FIGNL2: variants seen among roughly 807,000 people sequenced by gnomAD.
FIGNL2 encodes the protein fidgetin like 2.
For missense variants in FIGNL2, 1,060 were observed against 950.2 expected (o/e 1.12, Z -1.52); for synonymous variants, 565 against 484.0 (o/e 1.17, Z -2.20).
chr12:51,825,551 G>A (rs760991294), intron 1 of FIGNL2, among the ~76,000 whole-genome samples: 5 of 151,702 alleles, frequency 3.3e-5, no homozygotes, highest in African/African-American at 9.7e-5. Context: ...TCATACCCAC[G>A]AAGTCTCCTC....
At chr12:51,827,118 C>A (rs79436360) in intron 1 of FIGNL2, among the ~76,000 whole-genome samples, 1 of 152,228 alleles carries the variant, frequency 6.6e-6, no homozygotes, top group Non-Finnish European at 1.5e-5. Flanking sequence ...CTTGCTCTGA[C>A]ACAGAGACCC....
Position 51,820,662 on chromosome 12 carries a change from C to T in FIGNL2, c.1752G>A (p.Ala584=). ...AGCCCTGCGTGCCCTGCACCAGCGC[C>T]GCCAGTTCCCGCTCACTGAGCGCGC... The part of the protein sequence containing the change: ...QGCALSEREL[A]ALVQGTQGFS... Residue 584 remains alanine, a synonymous_variant, in exon 2 of 2, where the codon GCG becomes GCA. Transcript: ENST00000618634. The T allele has an allele frequency of 6.6e-7, 1 of 1,514,908 alleles. No homozygotes were observed. The highest frequency in any genetic ancestry group is 8.8e-7 in the Non-Finnish European group (1 of 1,139,106). 93.8% of individuals were successfully genotyped at this position (1,514,908 alleles called of 1,614,324 possible). A position where few individuals can be genotyped will look rare whatever the true frequency, so the allele number is the denominator to read the frequency against.
In FIGNL2 at chr12:51,821,035, G is replaced by A; in HGVS notation, c.1379C>T (p.Thr460Ile). 8.4e-7 allele frequency: 1 copy of A among 1,186,160 alleles called. No individual in the cohort carries two copies. Among genetic ancestry groups the A allele is most frequent in the Non-Finnish European group, 1.0e-6 (1 of 960,676 alleles). 73.5% of individuals were successfully genotyped at this position (1,186,160 alleles called of 1,614,324 possible). A position where few individuals can be genotyped will look rare whatever the true frequency, so the allele number is the denominator to read the frequency against. The change falls in exon 2 of 2, where the codon ACC (threonine) becomes ATC (isoleucine). Residue 460 changes from threonine (T) to isoleucine (I), a missense_variant. By Grantham distance (89) the Thr-to-Ile change is moderately conservative (BLOSUM62 -1). Transcript: ENST00000618634. The stretch of plus-strand genomic sequence containing the variant: ...CTCGGCGGCGCCGGGCGCAGCCAGG[G>A]TCGCGCCGCGCAGGCGCAACAGCGT... ...GATLLRLRGA[T>I]LAAPGAAEGA...
chr12:51,834,217 G>A (rs1939541127), intron 1 of FIGNL2, among the ~76,000 whole-genome samples: 1 of 151,320 alleles, frequency 6.6e-6, no homozygotes, highest in East Asian at 1.9e-4. Context: ...GAGTGTACAT[G>A]TGATGGTGAG....
intron 1 of FIGNL2, chr12:51,825,750 G>A (rs1462019183): frequency 1.3e-5 from 2 of 151,632 alleles, no homozygotes; most frequent in African/African-American, 2.4e-5. Flanking sequence ...CCGAGTAGCT[G>A]GGACTACAGG....
At chr12:51,830,530 C>A (rs1258782879) in intron 1 of FIGNL2, among the ~76,000 whole-genome samples, 2 of 134,260 alleles carry the variant, frequency 1.5e-5, no homozygotes, top group Non-Finnish European at 3.1e-5. Flanking sequence ...CTCACACTGT[C>A]GCATGGGCTG....
At chr12:51,847,603 G>T (rs890109122) in intron 1 of FIGNL2, 1 of 985,124 alleles carries the variant, frequency 1.0e-6, no homozygotes, top group Non-Finnish European at 1.2e-6. Flanking sequence ...GGCCGCCGCT[G>T]GGCGCAGGGT....
chr12:51,838,075 T>C (rs1409361099), intron 1 of FIGNL2: 1 of 152,424 alleles, frequency 6.6e-6, no homozygotes, highest in Non-Finnish European at 1.5e-5. Context: ...GAAGTGTTCA[T>C]GGAGGCCGGG....
At position 51,821,603 on chromosome 12, in the gene FIGNL2, C is replaced by T; in HGVS notation, c.811G>A (p.Asp271Asn). Residue 271 changes from aspartate to asparagine, a missense_variant, in exon 2 of 2, where the codon GAC (aspartate) becomes AAC (asparagine). Transcript: ENST00000618634. ...SGLSLKRKAA[D>N]EGPEGRYRKY... ...CGGTAGCGGCCCTCGGGCCCCTCGT[C>T]GGCGGCCTTGCGCTTCAGCGACAGC... is the stretch of plus-strand genomic sequence containing the variant. The T allele has an allele frequency of 6.6e-7, 1 of 1,505,418 alleles. No homozygotes were observed. Among genetic ancestry groups the T allele is most frequent in the Non-Finnish European group, 8.8e-7 (1 of 1,133,134 alleles). The allele number at this position is 1,505,418 out of a possible 1,614,324, so 93.3% of individuals were successfully genotyped here.
At chr12:51,848,102 C>T in intron 1 of FIGNL2, 1 of 976,930 alleles carries the variant, frequency 1.0e-6, no homozygotes, top group South Asian at 4.7e-5. Flanking sequence ...CACACAGGGG[C>T]CGCTGGACAA....
At chr12:51,845,933 G>C (rs986327433) in intron 1 of FIGNL2, among the ~76,000 whole-genome samples, 2 of 152,040 alleles carry the variant, frequency 1.3e-5, no homozygotes, top group Admixed American at 6.5e-5. Flanking sequence ...CCCGGACTTG[G>C]GGGGGTGGGG....
At chr12:51,830,714 A>G (rs183178916) in intron 1 of FIGNL2, among the ~76,000 whole-genome samples, 3 of 151,990 alleles carry the variant, frequency 2.0e-5, no homozygotes, top group Non-Finnish European at 4.4e-5. Flanking sequence ...GCTGGTCTCA[A>G]ACTCCTGACC....
rs538452153 is a variant in FIGNL2 at position 51,827,617 on chromosome 12, T to C, written c.-11-5193A>G. Among the ~76,000 whole-genome samples the C allele has an allele frequency of 6.6e-5, 10 of 152,304 alleles. No homozygotes were observed. In the South Asian group the frequency reaches 1.7e-3, roughly 25 times the overall value. On this transcript the variant is annotated intron_variant, in intron 1 of 1. Coordinates refer to ENST00000618634, the MANE Select transcript of FIGNL2 (RefSeq NM_001384995.1). ...TGTATATAATGGACACAGTCCAGTG[T>C]GGGGCACAAATTACAAATTCAGAAC...
In FIGNL2 at chr12:51,821,367, C is replaced by A; in HGVS notation, c.1047G>T (p.Pro349=). ...GPQLEPFEKF[P]ERAPAPRGGF... is the part of the protein sequence containing the mutation. ...CCCCACGAGGAGCCGGGGCCCGCTC[C>A]GGGAACTTTTCAAAGGGCTCCAGTT... The change falls in exon 2 of 2, where the codon CCG becomes CCT. Residue 349 remains proline, a synonymous_variant. Coordinates refer to ENST00000618634, the MANE Select transcript of FIGNL2 (RefSeq NM_001384995.1). 6.6e-7 allele frequency: 1 copy of A among 1,505,168 alleles called. No homozygotes were observed. The highest frequency in any genetic ancestry group is 8.8e-7 in the Non-Finnish European group (1 of 1,129,958). The allele number at this position is 1,505,168 out of a possible 1,614,324, so 93.2% of individuals were successfully genotyped here. A position where few individuals can be genotyped will look rare whatever the true frequency, so the allele number is the denominator to read the frequency against.
chr12:51,821,641 C>A lies in FIGNL2; in HGVS notation c.773G>T (p.Gly258Val), dbSNP rs532364707. The A allele has an allele frequency of 1.7e-5, 25 of 1,476,924 alleles. No individual in the cohort carries two copies. The African/African-American group carries it at 3.1e-4, about 18-fold the overall frequency. The allele number at this position is 1,476,924 out of a possible 1,614,324, so 91.5% of individuals were successfully genotyped here. The change falls in exon 2 of 2, where the codon GGT becomes GTT. Residue 258 changes from glycine to valine, a missense_variant. Coordinates refer to ENST00000618634, the MANE Select transcript of FIGNL2 (RefSeq NM_001384995.1). ...CTTCAGCGACAGCCCGGATTCGGCA[C>A]CCGGCGCGGCCGTGGGGAAGCCATA... ...TAYGFPTAAPGAESGLSLKRK... is the reference protein window; with the variant it reads ...TAYGFPTAAPVAESGLSLKRK...
intron 1 of FIGNL2, among the ~76,000 whole-genome samples, chr12:51,840,137 T>G (rs1939637273): frequency 6.6e-6 from 1 of 152,226 alleles, no homozygotes; most frequent in South Asian, 2.1e-4. Context: ...CACTCAGTGA[T>G]GGGCACTGCG....
intron 1 of FIGNL2, chr12:51,845,776 G>C (rs929626681): frequency 3.9e-6 from 2 of 515,656 alleles, no homozygotes; most frequent in Non-Finnish European, 5.0e-6. Context: ...GTCGGAGCTT[G>C]GGGGGAGAGT....
chr12:51,847,930 T>C (rs61933784), intron 1 of FIGNL2: 63,583 of 784,458 alleles, frequency 0.081, 2,871 homozygotes, highest in African/African-American at 0.16. Context: ...CCCCTGACTC[T>C]GAGACGCGGG....
intron 1 of FIGNL2, chr12:51,835,253 G>A (rs1285918082): frequency 2.0e-5 from 3 of 150,642 alleles, no homozygotes; most frequent in Non-Finnish European, 4.4e-5. Flanking sequence ...GCTCCCTGCA[G>A]CCACTTCTTT....
Sources: allele counts gnomAD v4.1 joint callset (sites outside exome capture counted in the v4.1 genomes callset), GRCh38; gene constraint gnomAD v4.1.1; transcripts MANE v1.5; gene names NCBI Gene and HGNC (gene_info 2026-07-23, HGNC 2026-07-21).